Variants in RELN observed in about 807,000 individuals in gnomAD.
RELN encodes reelin.
RELN carries 108 observed loss-of-function variants against 427.6 expected under a neutral mutation model. That is an observed-to-expected ratio of 0.25 (90% CI 0.22 to 0.30). The LOEUF (loss-of-function observed/expected upper bound fraction) is 0.30, where lower values mean the gene tolerates loss of function less well. Ranked by LOEUF, RELN falls within the 10% of genes least tolerant of loss-of-function variation. The pLI is 1.00. For missense variants in RELN, 3,715 were observed against 4,302.8 expected (o/e 0.86, Z 3.82); for synonymous variants, 1,524 against 1,513.4 (o/e 1.01, Z -0.16).
intron 60 of RELN, among the ~76,000 whole-genome samples, chr7:103,488,629 A>G (rs1472938575): frequency 6.6e-6 from 1 of 152,272 alleles, no homozygotes; most frequent in Non-Finnish European, 1.5e-5. Flanking sequence ...ATGGATTCTT[A>G]CATTGTATAT....
rs186983114 is a variant in RELN, at chr7:103,610,684, T to C, written c.3008+11A>G. On this transcript the variant is annotated intron_variant, in intron 22 of 64. Coordinates refer to ENST00000428762, the MANE Select transcript of RELN (RefSeq NM_005045.4). ...TTAAAGTGACAGCCATATCTAAAGA[T>C]GTCATCTCACCAAGTTTTCTGGGGA... 414 of 1,289,574 alleles carry C rather than the reference T, an allele frequency of 3.2e-4. 4 individuals are homozygous for C. In the African/African-American group the frequency reaches 5.3e-3, roughly 17 times the overall value. 79.9% of individuals were successfully genotyped at this position (1,289,574 alleles called of 1,614,324 possible).
intron 11 of RELN, among the ~76,000 whole-genome samples, chr7:103,670,723 G>A (rs1305748021): frequency 6.6e-6 from 1 of 151,912 alleles, no homozygotes; most frequent in African/African-American, 2.4e-5. Flanking sequence ...ATAATTCAGA[G>A]TGAAAATTTA....
chr7:103,589,732 C>A lies in RELN; in HGVS notation c.4009G>T (p.Gly1337Cys). The A allele has an allele frequency of 6.2e-7, 1 of 1,613,902 alleles. No homozygotes were observed. Among genetic ancestry groups the A allele is most frequent in the Non-Finnish European group, 8.5e-7 (1 of 1,179,784 alleles). The change falls in exon 28 of 65, where the codon GGC becomes TGC. Residue 1337 changes from glycine to cysteine, a missense_variant. By Grantham distance (159) the Gly-to-Cys change is radical. Around this residue, in one of 4 missense-constraint regions of RELN, gnomAD observed 2,208 missense variants for 2,361.7 expected, o/e 0.93. Transcript: ENST00000428762. ...TTGCCTGCAGAAGCCGGGTAACAGCCTTCTTTCACCAGAAACCAGGACATA... is the reference window on the plus strand; with the variant it reads ...TTGCCTGCAGAAGCCGGGTAACAGCATTCTTTCACCAGAAACCAGGACATA... ...AGMSWFLVKE[G>C]CYPASAGKGC...
intron 3 of RELN, among the ~76,000 whole-genome samples, chr7:103,785,603 C>A (rs1479834727): frequency 6.6e-6 from 1 of 152,098 alleles, no homozygotes; most frequent in African/African-American, 2.4e-5. Context: ...ACTGAATGGA[C>A]TGAACAATTT....
chr7:103,522,326 C>T lies in RELN; in HGVS notation c.7491-127G>A, dbSNP rs1250442398. 4.3e-6 allele frequency: 4 copies of T among 921,110 alleles called. No individual in the cohort carries two copies. In the African/African-American group the frequency reaches 4.9e-5, roughly 11 times the overall value. 57.1% of individuals were successfully genotyped at this position (921,110 alleles called of 1,614,324 possible). ...TGAAAAGTTACTGATTTTCAGAGAG[C>T]TTGCCAGAATACACCTGCTCTCCTT... On this transcript the variant is annotated intron_variant, in intron 47 of 64. Coordinates refer to ENST00000428762, the MANE Select transcript of RELN (RefSeq NM_005045.4).
chr7:103,898,560 C>T (rs1054746568), intron 2 of RELN, among the ~76,000 whole-genome samples: 5 of 151,906 alleles, frequency 3.3e-5, no homozygotes, highest in Non-Finnish European at 5.9e-5. Flanking sequence ...CTAAAAACAA[C>T]AATAAATATC....
At chr7:103,904,532 T>C (rs1795153822) in intron 2 of RELN, among the ~76,000 whole-genome samples, 1 of 152,290 alleles carries the variant, frequency 6.6e-6, no homozygotes, top group Non-Finnish European at 1.5e-5. Context: ...TCCTTGACTT[T>C]ACATATCTTA....
chr7:103,793,774 GTTGT>G (rs1381110491), intron 3 of RELN, among the ~76,000 whole-genome samples: 5 of 152,042 alleles, frequency 3.3e-5, no homozygotes, highest in Non-Finnish European at 2.9e-5. Context: ...TAAACAGAAG[GTTGT>G]TTATTTGAGG....
At chr7:103,647,987 T>G (rs1421565096) in intron 16 of RELN, among the ~76,000 whole-genome samples, 1 of 151,802 alleles carries the variant, frequency 6.6e-6, no homozygotes, top group African/African-American at 2.4e-5. Flanking sequence ...GCTGGGAAAA[T>G]TGGATGGCCA....
At position 103,489,735 on chromosome 7, in the gene RELN, T is replaced by G. The variant is rs1236844032; in HGVS notation, c.9763+7A>C. On this transcript the variant is annotated splice_region_variant and intron_variant, in intron 60 of 64. Transcript: ENST00000428762. Reference sequence around the variant, plus strand: ...CTCTATCAAAGTTGGCAGCCTGGGATTCAGACCTTGGAAGCTCTCGTCGCA... The same window carrying G: ...CTCTATCAAAGTTGGCAGCCTGGGAGTCAGACCTTGGAAGCTCTCGTCGCA... 1 of 1,613,844 alleles carries G rather than the reference T, an allele frequency of 6.2e-7. No homozygotes were observed. Among genetic ancestry groups the G allele is most frequent in the African/African-American group, 1.3e-5 (1 of 74,930 alleles).
chr7:103,896,513 G>A (rs1794963789), intron 2 of RELN, among the ~76,000 whole-genome samples: 1 of 152,052 alleles, frequency 6.6e-6, no homozygotes, highest in South Asian at 2.1e-4. Flanking sequence ...AGTACATACT[G>A]AATGGCTGTA....
rs1355468128 is a variant in RELN, at chr7:103,523,463, T to C, written c.7418A>G (p.Asp2473Gly). 6.2e-7 allele frequency: 1 copy of C among 1,613,880 alleles called. No individual in the cohort carries two copies. Among genetic ancestry groups the C allele is most frequent in the Non-Finnish European group, 8.5e-7 (1 of 1,179,946 alleles). Residue 2473 changes from aspartate (D) to glycine (G), a missense_variant, in exon 47 of 65, where the codon GAT (aspartate) becomes GGT (glycine). Coordinates refer to ENST00000428762, the MANE Select transcript of RELN (RefSeq NM_005045.4). Reference protein sequence around the residue: ...PFDKQQTWAIDNVYIGDGCID... With the variant: ...PFDKQQTWAIGNVYIGDGCID... The stretch of plus-strand genomic sequence containing the variant: ...GCAGCCATCCCCGATATAGACATTA[T>C]CTATTGCCCATGTCTGCTGCTTGTC...
chr7:103,735,216 T>G (rs1176516739), intron 6 of RELN, among the ~76,000 whole-genome samples: 1 of 152,176 alleles, frequency 6.6e-6, no homozygotes, highest in Non-Finnish European at 1.5e-5. Flanking sequence ...CTTGGTAGAT[T>G]GCAAGCTTGT....
At chr7:103,564,645 C>T (rs3025942) in intron 34 of RELN, among the ~76,000 whole-genome samples, 6,735 of 151,964 alleles carry the variant, frequency 0.044, 512 homozygotes, top group African/African-American at 0.15. Context: ...GGAAATGCAG[C>T]CTGCCATTCA....
At chr7:103,554,207 A>AC (rs1218273029) in intron 38 of RELN, among the ~76,000 whole-genome samples, 3 of 137,930 alleles carry the variant, frequency 2.2e-5, no homozygotes, top group African/African-American at 8.1e-5. Context: ...CACACAAACC[A>AC]CCCCCCGCCA....
At chr7:103,518,357 C>G (rs4997124) in intron 49 of RELN, among the ~76,000 whole-genome samples, 68,633 of 134,060 alleles carry the variant, frequency 0.51, 19,293 homozygotes, top group East Asian at 0.81. Context: ...TTTAAAGATG[C>G]GGTCTTACTC....
chr7:103,754,272 T>A (rs559955141), intron 4 of RELN, among the ~76,000 whole-genome samples: 1 of 152,292 alleles, frequency 6.6e-6, no homozygotes, highest in African/African-American at 2.4e-5. Flanking sequence ...AAATACACTA[T>A]TAAATTAATT....
intron 8 of RELN, among the ~76,000 whole-genome samples, chr7:103,704,289 G>C (rs915062625): frequency 6.6e-6 from 1 of 152,068 alleles, no homozygotes; most frequent in African/African-American, 2.4e-5. Context: ...AACTTCCTTT[G>C]TATGATCAAG....
Position 103,953,601 on chromosome 7 carries a change from C to T in RELN, c.226+35530G>A, listed in dbSNP as rs970132302. ...TGAGAGTGTAATCTCAACTAGCAGT[C>T]GTAGTAAAATTGTTTCAGTAAAAAT... On this transcript the variant is annotated intron_variant, in intron 1 of 64. Transcript: ENST00000428762. This position sits in a 1 kb window ranked among gnomAD's most constrained non-coding sequence, Gnocchi z 4.3. Among the ~76,000 whole-genome samples the T allele has an allele frequency of 2.0e-4, 31 of 152,174 alleles. No homozygotes were observed. The highest frequency in any genetic ancestry group is 7.0e-4 in the African/African-American group (29 of 41,444).
Sources: gnomAD v4.1 joint callset for allele counts (sites outside exome capture counted in the v4.1 genomes callset) on GRCh38, gnomAD v4.1.1 for gene constraint, gnomAD v4.1.1 regional missense constraint, Gnocchi (gnomAD v3.1) non-coding constraint, MANE v1.5 for transcripts, NCBI Gene and HGNC (gene_info 2026-07-23, HGNC 2026-07-21) for gene names.